MYEF2: variants seen among roughly 807,000 people sequenced by gnomAD.
The protein encoded by MYEF2 is myelin gene expression factor 2.
Under a neutral mutation model 75.2 loss-of-function variants are expected in MYEF2, and 37 were observed. The observed-to-expected ratio is 0.49, with a 90% CI of 0.38 to 0.65. MYEF2 has a LOEUF of 0.65. Ranked by LOEUF, MYEF2 falls within the 30% of genes least tolerant of loss-of-function variation. MYEF2 has a pLI of 0.00. For synonymous variants in MYEF2, 195 were observed against 241.6 expected, an observed-to-expected ratio of 0.81 and a Z score of 1.79; for missense variants, 634 against 771.4, an observed-to-expected ratio of 0.82 and a Z score of 2.11.
chr15:48,135,125 C>T lies in MYEF2; in HGVS notation c.*7783G>A, dbSNP rs547339142. ...TATTCCAACAGGTCTGTGAGTTAAC[C>T]TCATCACAATTGCTGATTGAGTTCT... On this transcript the variant is annotated 3_prime_UTR_variant, in exon 17 of 17. Coordinates refer to ENST00000324324, the MANE Select transcript of MYEF2 (RefSeq NM_016132.5). 1.7e-6 allele frequency: 1 copy of T among 591,292 alleles called. No individual in the cohort carries two copies. Among genetic ancestry groups the T allele is most frequent in the African/African-American group, 1.9e-5 (1 of 53,686 alleles). The allele number at this position is 591,292 out of a possible 1,614,324, so 36.6% of individuals were successfully genotyped here.
rs115048799 is a variant in MYEF2 at position 48,145,441 on chromosome 15, C to A, written c.1640-2370G>T. Among the ~76,000 whole-genome samples, 210 of 151,848 alleles carry A rather than the reference C, an allele frequency of 1.4e-3. 2 individuals carry two copies. The highest frequency in any genetic ancestry group is 4.9e-3 in the African/African-American group (204 of 41,476). The stretch of plus-strand genomic sequence containing the variant: ...AAGTTAAATATCTAATAATCTTGTA[C>A]GATTCCAAGAAAACAAAAACAGGAC... On this transcript the variant is annotated intron_variant, in intron 16 of 16. Transcript: ENST00000324324.
At chr15:48,171,027 G>T (rs1197572126) in intron 1 of MYEF2, among the ~76,000 whole-genome samples, 1 of 152,060 alleles carries the variant, frequency 6.6e-6, no homozygotes, top group Non-Finnish European at 1.5e-5. Flanking sequence ...GCATGGCCTA[G>T]GGGGGAGTCT....
At chr15:48,165,432 C>G (rs1436031496) in intron 5 of MYEF2, among the ~76,000 whole-genome samples, 1 of 151,944 alleles carries the variant, frequency 6.6e-6, no homozygotes, top group Non-Finnish European at 1.5e-5. Flanking sequence ...TTAGGGGATT[C>G]CAACTTCTAG....
intron 1 of MYEF2, among the ~76,000 whole-genome samples, chr15:48,173,770 T>G (rs1803017993): frequency 6.6e-6 from 1 of 151,776 alleles, no homozygotes. Context: ...AAGAATAAAA[T>G]ACCTAGAAAT....
chr15:48,141,022 TTTTTG>T lies in MYEF2; in HGVS notation c.*1881_*1885del, dbSNP rs2039061690. 9.6e-7 allele frequency: 1 copy of T among 1,037,530 alleles called. No individual in the cohort carries two copies. Among genetic ancestry groups the T allele is most frequent in the East Asian group, 2.5e-5 (1 of 40,676 alleles). The allele number at this position is 1,037,530 out of a possible 1,614,324, so 64.3% of individuals were successfully genotyped here. The stretch of plus-strand genomic sequence containing the variant: ...CTGAATTCTAAATGTGCCTATTTTA[TTTTTG>T]TTCACGAAGGAAATATCCAAAATAA... On this transcript the variant is annotated 3_prime_UTR_variant, in exon 17 of 17. Coordinates refer to ENST00000324324, the MANE Select transcript of MYEF2 (RefSeq NM_016132.5).
chr15:48,144,915 G>T (rs2039223006), intron 16 of MYEF2, among the ~76,000 whole-genome samples: 1 of 151,794 alleles, frequency 6.6e-6, no homozygotes, highest in African/African-American at 2.4e-5. Context: ...AGATTTATCA[G>T]CAATAGTAAA....
At chr15:48,154,432 A>G (rs1280002513) in intron 9 of MYEF2, among the ~76,000 whole-genome samples, 2 of 152,130 alleles carry the variant, frequency 1.3e-5, no homozygotes, top group African/African-American at 4.8e-5. Flanking sequence ...TATTGTCCAT[A>G]GAAGAGGAAA....
intron 16 of MYEF2, among the ~76,000 whole-genome samples, chr15:48,143,785 C>A (rs2140794022): frequency 6.6e-6 from 1 of 152,204 alleles, no homozygotes; most frequent in Middle Eastern, 3.4e-3. Context: ...TGTCCTTATG[C>A]AGTTATAATA....
intron 5 of MYEF2, chr15:48,162,616 G>A (rs548912033): frequency 2.6e-5 from 4 of 152,104 alleles, no homozygotes; most frequent in Non-Finnish European, 5.9e-5. Flanking sequence ...GCAAATTGAA[G>A]GTCTGTGACA....
At position 48,136,897 on chromosome 15, in the gene MYEF2, T is replaced by C. The variant is rs1177585165; in HGVS notation, c.*6011A>G. 1.2e-6 allele frequency: 2 copies of C among 1,613,862 alleles called. No homozygotes were observed. The highest frequency in any genetic ancestry group is 1.7e-5 in the Admixed American group (1 of 60,000). On this transcript the variant is annotated 3_prime_UTR_variant, in exon 17 of 17. Coordinates refer to ENST00000324324, the MANE Select transcript of MYEF2 (RefSeq NM_016132.5). ...GCAATCAAGAACTGATAGTGGAATA[T>C]TTTATGAAGATTCTGGCTACTCTCA...
At chr15:48,150,302 T>A (rs2039444352) in intron 14 of MYEF2, among the ~76,000 whole-genome samples, 1 of 151,914 alleles carries the variant, frequency 6.6e-6, no homozygotes, top group Non-Finnish European at 1.5e-5. Flanking sequence ...GGCTAAAAGA[T>A]GATGGAAGGA....
intron 3 of MYEF2, 44 bp downstream of exon 3, chr15:48,167,305 A>T: frequency 6.3e-7 from 1 of 1,587,776 alleles, no homozygotes; most frequent in Non-Finnish European, 8.6e-7. Flanking sequence ...TAAACTGCTG[A>T]GGAACTTTTA....
chr15:48,173,644 C>T (rs1250132140), intron 1 of MYEF2, among the ~76,000 whole-genome samples: 1 of 151,976 alleles, frequency 6.6e-6, no homozygotes, highest in African/African-American at 2.4e-5. Context: ...AGAACAAATT[C>T]AGTAAAGTTA....
At chr15:48,164,012 C>T (rs147318517) in intron 5 of MYEF2, among the ~76,000 whole-genome samples, 1 of 152,136 alleles carries the variant, frequency 6.6e-6, no homozygotes, top group African/African-American at 2.4e-5. Context: ...AACACAATAT[C>T]CACTCTGTAA....
chr15:48,165,892 T>C, intron 5 of MYEF2, 41 bp downstream of exon 5: 1 of 1,366,912 alleles, frequency 7.3e-7, no homozygotes, highest in Non-Finnish European at 1.0e-6. Context: ...AAACATGTCT[T>C]TATAGTCAAA....
chr15:48,147,440 A>AT (rs201749298), intron 16 of MYEF2, among the ~76,000 whole-genome samples: 6 of 149,242 alleles, frequency 4.0e-5, no homozygotes, highest in Non-Finnish European at 7.5e-5. Flanking sequence ...TCATTTGGAG[A>AT]TTTTTTTTTT....
At chr15:48,160,464 T>C (rs2039894737) in intron 5 of MYEF2, among the ~76,000 whole-genome samples, 1 of 140,548 alleles carries the variant, frequency 7.1e-6, no homozygotes, top group Admixed American at 7.4e-5. Flanking sequence ...AGAAACACCC[T>C]ACCTTTAAAC....
chr15:48,140,004 A>T lies in MYEF2; in HGVS notation c.*2904T>A, dbSNP rs1479836549. ...ATAATTACTATCTGGCCCCTCACAG[A>T]CACAAAAATTTGTTGACCCTTGACT... On this transcript the variant is annotated 3_prime_UTR_variant, in exon 17 of 17. Transcript: ENST00000324324. 6.6e-6 allele frequency: 1 copy of T among 152,096 alleles called. No homozygotes were observed. The allele number at this position is 152,096 out of a possible 1,614,324, so 9.4% of individuals were successfully genotyped here.
chr15:48,162,437 A>G (rs930784036), intron 5 of MYEF2, among the ~76,000 whole-genome samples: 1 of 152,170 alleles, frequency 6.6e-6, no homozygotes, highest in Non-Finnish European at 1.5e-5. Flanking sequence ...AAAACAAAGG[A>G]GAAAGTTTAA....
Sources: allele counts gnomAD v4.1 joint callset (sites outside exome capture counted in the v4.1 genomes callset), GRCh38; gene constraint gnomAD v4.1.1; transcripts MANE v1.5; gene names NCBI Gene and HGNC (gene_info 2026-07-23, HGNC 2026-07-21).